The following PSMD1 variants were observed in gnomAD, a reference collection of about 807,000 sequenced individuals.
PSMD1 encodes 26S proteasome non-ATPase regulatory subunit 1.
PSMD1 carries 18 observed loss-of-function variants against 119.0 expected under a neutral mutation model. The observed-to-expected ratio is 0.15, with a 90% CI of 0.10 to 0.22. PSMD1 has a LOEUF of 0.22. PSMD1 is among the 10% of genes least tolerant of loss of function. The probability of loss-of-function intolerance (pLI) is 1.00; values close to 1 mark genes in which losing one functional copy is unlikely to be tolerated. For missense variants in PSMD1, 702 were observed against 1,158.5 expected (o/e 0.61, Z 5.72); for synonymous variants, 374 against 396.6 (o/e 0.94, Z 0.68).
intron 1 of PSMD1, among the ~76,000 whole-genome samples, chr2:231,058,952 G>GTCTCTCTC (rs60086521): frequency 6.6e-6 from 1 of 150,464 alleles, no homozygotes; most frequent in Non-Finnish European, 1.5e-5. Context: ...CCTGATCACT[G>GTCTCTCTC]TCTCTCTCTC....
chr2:231,069,024 T>TG (rs1693973946), intron 5 of PSMD1, among the ~76,000 whole-genome samples: 1 of 152,230 alleles, frequency 6.6e-6, no homozygotes, highest in South Asian at 2.1e-4. Context: ...AGGCATCTGC[T>TG]GGGGGTGCTG....
At chr2:231,084,269 T>C (rs1694381024) in intron 14 of PSMD1, among the ~76,000 whole-genome samples, 1 of 152,060 alleles carries the variant, frequency 6.6e-6, no homozygotes, top group Non-Finnish European at 1.5e-5. Context: ...TGAGAATTGC[T>C]TGAGCCTGGG....
rs1696881647 is a variant in PSMD1, at chr2:231,170,144, C to A, written c.2716-422C>A. Among the ~76,000 whole-genome samples, 1 of 152,148 alleles carries A rather than the reference C, an allele frequency of 6.6e-6. No homozygotes were observed. The highest frequency in any genetic ancestry group is 2.4e-5 in the African/African-American group (1 of 41,432). Reference sequence around the variant, plus strand: ...TTGTTAGAATGCAGATTCTGCAGATCTAGGGTGGGGCCAGCTTTTCTGCAT... The same window carrying A: ...TTGTTAGAATGCAGATTCTGCAGATATAGGGTGGGGCCAGCTTTTCTGCAT... On this transcript the variant is annotated intron_variant, in intron 23 of 24. Coordinates refer to ENST00000308696, the MANE Select transcript of PSMD1 (RefSeq NM_002807.4). This position sits in a 1 kb window ranked among gnomAD's most constrained non-coding sequence, Gnocchi z 4.1.
intron 1 of PSMD1, among the ~76,000 whole-genome samples, chr2:231,058,695 TGTA>T (rs1693675681): frequency 6.6e-6 from 1 of 152,096 alleles, no homozygotes; most frequent in Non-Finnish European, 1.5e-5. Flanking sequence ...CGCCTTGTCT[TGTA>T]GTACTGTCTT....
chr2:231,062,123 T>A, intron 2 of PSMD1, 125 bp from the exon 3 acceptor site: 1 of 603,512 alleles, frequency 1.7e-6, no homozygotes, highest in African/African-American at 1.9e-5. Context: ...TTTTTATATT[T>A]GTCATAGAGT....
chr2:231,143,256 G>C (rs758703582), intron 17 of PSMD1, among the ~76,000 whole-genome samples: 10 of 151,564 alleles, frequency 6.6e-5, no homozygotes, highest in Non-Finnish European at 1.3e-4. Flanking sequence ...TTAAGACAGA[G>C]TCTTGCTCTG....
intron 16 of PSMD1, among the ~76,000 whole-genome samples, chr2:231,112,328 GCT>G: frequency 6.6e-6 from 1 of 152,286 alleles, no homozygotes; most frequent in Non-Finnish European, 1.5e-5. Flanking sequence ...GGCTGGTTCT[GCT>G]CTGTCGGCAT....
At chr2:231,100,475 GGAATGAGTTAGGGTGGACCAGGTGATCA>G (rs1430874787) in intron 16 of PSMD1, among the ~76,000 whole-genome samples, 1 of 152,132 alleles carries the variant, frequency 6.6e-6, no homozygotes, top group African/African-American at 2.4e-5. Context: ...GCAGGTAATT[GGAATGAGTTAGGGTGGACCAGGTGATCA>G]GAATGAGTTA....
intron 19 of PSMD1, among the ~76,000 whole-genome samples, chr2:231,157,686 T>A (rs1696542927): frequency 6.6e-6 from 1 of 151,748 alleles, no homozygotes; most frequent in African/African-American, 2.4e-5. Context: ...CCTGCCTCAG[T>A]CCCTCCTGTA....
intron 14 of PSMD1, among the ~76,000 whole-genome samples, chr2:231,084,514 G>A (rs1694386010): frequency 6.6e-6 from 1 of 151,966 alleles, no homozygotes; most frequent in Non-Finnish European, 1.5e-5. Flanking sequence ...TTATAATGGT[G>A]TTGTATATGG....
chr2:231,106,648 A>G (rs1694983497), intron 16 of PSMD1, among the ~76,000 whole-genome samples: 1 of 152,162 alleles, frequency 6.6e-6, no homozygotes, highest in African/African-American at 2.4e-5. Context: ...GTAAGCAAGG[A>G]AATTTTTCTT....
At chr2:231,122,328 A>C (rs1023372506) in intron 16 of PSMD1, among the ~76,000 whole-genome samples, 8 of 152,130 alleles carry the variant, frequency 5.3e-5, no homozygotes, top group African/African-American at 1.9e-4. Flanking sequence ...ATAAAATTGT[A>C]ATGTGTAAAA....
chr2:231,171,643 G>A (rs757785867), intron 24 of PSMD1, among the ~76,000 whole-genome samples: 8 of 141,822 alleles, frequency 5.6e-5, no homozygotes, highest in African/African-American at 1.9e-4. Context: ...CGCAACCTCC[G>A]CCTCCTGGGT....
chr2:231,089,928 A>G (rs1383942719), intron 16 of PSMD1, among the ~76,000 whole-genome samples: 1 of 152,170 alleles, frequency 6.6e-6, no homozygotes, highest in Admixed American at 6.5e-5. Flanking sequence ...GCCCTCACAG[A>G]CATACCCAGG....
At chr2:231,118,740 G>A (rs896877691) in intron 16 of PSMD1, among the ~76,000 whole-genome samples, 3 of 152,062 alleles carry the variant, frequency 2.0e-5, no homozygotes, top group African/African-American at 7.2e-5. Context: ...CTATTTGTCC[G>A]GAAAATAATT....
At chr2:231,096,816 T>A (rs1048488624) in intron 16 of PSMD1, among the ~76,000 whole-genome samples, 6 of 152,182 alleles carry the variant, frequency 3.9e-5, no homozygotes, top group African/African-American at 1.4e-4. Flanking sequence ...TAATTCTGAT[T>A]GGCTAACTTA....
At chr2:231,074,164 G>A (rs572641203) in intron 7 of PSMD1, among the ~76,000 whole-genome samples, 14 of 152,210 alleles carry the variant, frequency 9.2e-5, no homozygotes, top group African/African-American at 2.9e-4. Context: ...TAGTACAGTG[G>A]CACGATCTCA....
At chr2:231,115,677 G>GAGT (rs1455743666) in intron 16 of PSMD1, among the ~76,000 whole-genome samples, 1 of 152,124 alleles carries the variant, frequency 6.6e-6, no homozygotes, top group Admixed American at 6.5e-5. Flanking sequence ...TCTTGCAGAT[G>GAGT]AGTAAATTCA....
chr2:231,154,572 A>G lies in PSMD1; in HGVS notation c.2218+906A>G, dbSNP rs550561383. On this transcript the variant is annotated intron_variant, in intron 19 of 24. Coordinates refer to ENST00000308696, the MANE Select transcript of PSMD1 (RefSeq NM_002807.4). ...AGCCTTAACCTCCTGGGCTCAGGCA[A>G]TCATCTTGCCTCAGCCTCCCAAGTA... Among the ~76,000 whole-genome samples the G allele has an allele frequency of 3.3e-5, 5 of 152,272 alleles. No homozygotes were observed. In the South Asian group the frequency reaches 6.2e-4, roughly 19 times the overall value.
Sources: gnomAD v4.1 joint callset for allele counts (sites outside exome capture counted in the v4.1 genomes callset) on GRCh38, gnomAD v4.1.1 for gene constraint, Gnocchi (gnomAD v3.1) non-coding constraint, MANE v1.5 for transcripts, NCBI Gene and HGNC (gene_info 2026-07-23, HGNC 2026-07-21) for gene names.